ADIPOR2: variants seen among roughly 807,000 people sequenced by gnomAD.
ADIPOR2 encodes adiponectin receptor 2.
In ADIPOR2, 18 loss-of-function variants were observed where a neutral mutation model predicts 40.9. The observed-to-expected ratio is 0.44, with a 90% CI of 0.30 to 0.65. ADIPOR2 has a LOEUF of 0.65. Ranked by LOEUF, ADIPOR2 falls within the 30% of genes least tolerant of loss-of-function variation. The pLI is 0.09. For synonymous variants in ADIPOR2, 165 were observed against 166.4 expected, an observed-to-expected ratio of 0.99 and a Z score of 0.06; for missense variants, 283 against 479.2, an observed-to-expected ratio of 0.59 and a Z score of 3.82.
At chr12:1,733,810 A>G (rs2094725162) in intron 1 of ADIPOR2, among the ~76,000 whole-genome samples, 1 of 126,966 alleles carries the variant, frequency 7.9e-6, no homozygotes, top group African/African-American at 3.1e-5. Context: ...TCCTGTGTCC[A>G]TGTGTTCTCA....
rs1862635164 is a variant in ADIPOR2 at position 1,778,003 on chromosome 12, C to T, written c.441C>T (p.Gly147=). The T allele has an allele frequency of 6.2e-7, 1 of 1,613,724 alleles. No homozygotes were observed. The highest frequency in any genetic ancestry group is 1.1e-5 in the South Asian group (1 of 91,046). ...KSIFRIHTET[G]NIWTHLLGCV... The stretch of plus-strand genomic sequence containing the variant: ...TTTTCAGAATACACACAGAAACAGG[C>T]AACATTTGGACACATCTCTTAGGTA... The change falls in exon 4 of 8, where the codon GGC becomes GGT. Residue 147 remains glycine (G), a synonymous_variant. Coordinates refer to ENST00000357103, the MANE Select transcript of ADIPOR2 (RefSeq NM_024551.3).
chr12:1,748,002 A>AT (rs536923696), intron 1 of ADIPOR2, among the ~76,000 whole-genome samples: 11 of 151,596 alleles, frequency 7.3e-5, no homozygotes, highest in Middle Eastern at 3.4e-3. Flanking sequence ...ATTTCTTTGA[A>AT]TTTTTTTTCC....
At chr12:1,745,139 C>A (rs897106364) in intron 1 of ADIPOR2, among the ~76,000 whole-genome samples, 1 of 152,118 alleles carries the variant, frequency 6.6e-6, no homozygotes, top group Non-Finnish European at 1.5e-5. Flanking sequence ...AACAAGATTC[C>A]TTGAGCATTC....
chr12:1,765,760 A>G (rs959653226), intron 2 of ADIPOR2, among the ~76,000 whole-genome samples: 1 of 152,122 alleles, frequency 6.6e-6, no homozygotes, highest in African/African-American at 2.4e-5. Flanking sequence ...TAGCCTTCAA[A>G]TGAGAAGTGC....
chr12:1,722,797 C>CTT (rs2094700367), intron 1 of ADIPOR2, among the ~76,000 whole-genome samples: 1 of 152,200 alleles, frequency 6.6e-6, no homozygotes. Context: ...GTAGATGATA[C>CTT]TTTTCCTTCT....
At chr12:1,780,726 A>C in intron 5 of ADIPOR2, 89 bp downstream of exon 5, 2 of 1,414,128 alleles carry the variant, frequency 1.4e-6, no homozygotes, top group Non-Finnish European at 1.9e-6. Context: ...AGAATTCTTA[A>C]TATCATCTCA....
At chr12:1,721,105 A>G (rs912788875) in intron 1 of ADIPOR2, among the ~76,000 whole-genome samples, 4 of 151,894 alleles carry the variant, frequency 2.6e-5, no homozygotes, top group Admixed American at 6.6e-5. Context: ...CCCGAAATGT[A>G]TAAAACTAAA....
chr12:1,765,532 T>C (rs113363705), intron 2 of ADIPOR2, among the ~76,000 whole-genome samples: 8 of 152,354 alleles, frequency 5.3e-5, no homozygotes, highest in African/African-American at 1.9e-4. Flanking sequence ...CTTAGTACAA[T>C]GTCTGGCATG....
At chr12:1,748,349 C>T (rs4765841) in intron 1 of ADIPOR2, among the ~76,000 whole-genome samples, 145,635 of 152,104 alleles carry the variant, frequency 0.96, 69,920 homozygotes, top group East Asian at 1. Flanking sequence ...CCCGGGTTCA[C>T]GCCATTCTCC....
rs941280626 is a variant in ADIPOR2, at chr12:1,757,693, C to A, written c.171+3179C>A. 13 of 1,319,070 alleles carry A rather than the reference C, an allele frequency of 9.9e-6. No individual in the cohort carries two copies. The African/African-American group carries it at 1.9e-4, about 19-fold the overall frequency. The allele number at this position is 1,319,070 out of a possible 1,614,324, so 81.7% of individuals were successfully genotyped here. A position where few individuals can be genotyped will look rare whatever the true frequency, so the allele number is the denominator to read the frequency against. On this transcript the variant is annotated intron_variant, in intron 2 of 7. Coordinates refer to ENST00000357103, the MANE Select transcript of ADIPOR2 (RefSeq NM_024551.3). The stretch of plus-strand genomic sequence containing the variant: ...AGGTGTAATAGGATGTACAGCAAAG[C>A]GACCCTTGGTGTCATAGATGAGACG...
At chr12:1,719,834 C>T (rs1472710329) in intron 1 of ADIPOR2, among the ~76,000 whole-genome samples, 3 of 152,018 alleles carry the variant, frequency 2.0e-5, no homozygotes, top group Non-Finnish European at 4.4e-5. Flanking sequence ...ACCACCATGC[C>T]CAGCTAATTG....
At chr12:1,728,588 G>T (rs1445099628) in intron 1 of ADIPOR2, among the ~76,000 whole-genome samples, 4 of 151,852 alleles carry the variant, frequency 2.6e-5, no homozygotes, top group African/African-American at 9.7e-5. Flanking sequence ...GCCGGGCGTG[G>T]TGGTGGGCGC....
At chr12:1,698,332 C>T (rs1243394123) in intron 1 of ADIPOR2, among the ~76,000 whole-genome samples, 3 of 152,120 alleles carry the variant, frequency 2.0e-5, no homozygotes, top group Non-Finnish European at 4.4e-5. Context: ...CGAACTCAAA[C>T]AGTCCTCCCA....
chr12:1,695,452 G>A (rs1214607668), intron 1 of ADIPOR2, among the ~76,000 whole-genome samples: 3 of 151,746 alleles, frequency 2.0e-5, no homozygotes, highest in African/African-American at 7.3e-5. Flanking sequence ...TCAGGAGTTC[G>A]GGACCAGCCT....
chr12:1,772,856 T>G lies in ADIPOR2; in HGVS notation c.186T>G (p.His62Gln). ...SSHHKKSSEE[H>Q]EYSDEAPQED... Reference sequence around the variant, plus strand: ...TTGCCTTGCAGAGCTCTGAGGAACATGAATACAGTGATGAAGCTCCTCAGG... The same window carrying G: ...TTGCCTTGCAGAGCTCTGAGGAACAGGAATACAGTGATGAAGCTCCTCAGG... The change falls in exon 3 of 8, where the codon CAT becomes CAG. Residue 62 changes from histidine (H) to glutamine (Q), a missense_variant. Physicochemically the swap from His to Gln is conservative, Grantham distance 24. Around this residue, in one of 3 missense-constraint regions of ADIPOR2, gnomAD observed 65 missense variants for 79.9 expected, o/e 0.81. Transcript: ENST00000357103. 1 of 1,612,812 alleles carries G rather than the reference T, an allele frequency of 6.2e-7. No individual in the cohort carries two copies. Among genetic ancestry groups the G allele is most frequent in the Non-Finnish European group, 8.5e-7 (1 of 1,179,324 alleles).
rs555350107 is a variant in ADIPOR2 at position 1,748,539 on chromosome 12, T to C, written c.-86-5719T>C. On this transcript the variant is annotated intron_variant, in intron 1 of 7. Transcript: ENST00000357103. ...CTGGGATTACAGGCGTGAGCCACCG[T>C]GCCTGGCCTGCGTTTTACATTTAAG... is the stretch of plus-strand genomic sequence containing the variant. 8.0e-4 allele frequency among the ~76,000 whole-genome samples: 122 copies of C among 152,234 alleles called. 2 individuals are homozygous for C. Among genetic ancestry groups the C allele is most frequent in the African/African-American group, 1.3e-3 (56 of 41,564 alleles).
rs781405555 is a variant in ADIPOR2, at chr12:1,754,331, G to T, written c.-13G>T. 1.3e-6 allele frequency: 2 copies of T among 1,582,366 alleles called. No homozygotes were observed. The highest frequency in any genetic ancestry group is 1.8e-5 in the Admixed American group (1 of 55,628). ...AAAGACAGATCTATTTGTAAGAAAG[G>T]CTTGGGTATCCCATGAACGAGCCAA... On this transcript the variant is annotated 5_prime_UTR_variant, in exon 2 of 8. Coordinates refer to ENST00000357103, the MANE Select transcript of ADIPOR2 (RefSeq NM_024551.3).
At chr12:1,784,886 C>T (rs1862796419) in intron 7 of ADIPOR2, among the ~76,000 whole-genome samples, 1 of 152,222 alleles carries the variant, frequency 6.6e-6, no homozygotes, top group South Asian at 2.1e-4. Flanking sequence ...ATAGACTAAC[C>T]TGATGATCTC....
intron 1 of ADIPOR2, among the ~76,000 whole-genome samples, chr12:1,724,155 G>C (rs1289313535): frequency 6.6e-6 from 1 of 151,984 alleles, no homozygotes; most frequent in Non-Finnish European, 1.5e-5. Flanking sequence ...CTAATTTTTT[G>C]TATTTTTAGT....
Sources: allele counts gnomAD v4.1 joint callset (sites outside exome capture counted in the v4.1 genomes callset), GRCh38; gene constraint gnomAD v4.1.1; regional missense constraint gnomAD v4.1.1; transcripts MANE v1.5; gene names NCBI Gene and HGNC (gene_info 2026-07-23, HGNC 2026-07-21).